The following KMT2C variants were observed in gnomAD, a reference collection of about 807,000 sequenced individuals.
KMT2C encodes lysine methyltransferase 2C, also known as histone-lysine N-methyltransferase 2C.
In KMT2C, 88 loss-of-function variants were observed where a neutral mutation model predicts 507.9. The observed-to-expected ratio is 0.17, with a 90% CI of 0.15 to 0.21. The LOEUF is 0.21. Ranked by LOEUF, KMT2C falls within the 10% of genes least tolerant of loss-of-function variation. The pLI, the probability that KMT2C is intolerant of heterozygous loss-of-function variation, is 1.00. For missense variants in KMT2C, 4,954 were observed against 5,957.8 expected, an observed-to-expected ratio of 0.83 and a Z score of 5.55; for synonymous variants, 2,049 against 2,080.8, an observed-to-expected ratio of 0.98 and a Z score of 0.42.
chr7:152,325,408 A>G (rs1189251394), intron 3 of KMT2C, among the ~76,000 whole-genome samples: 3 of 151,486 alleles, frequency 2.0e-5, no homozygotes, highest in African/African-American at 7.3e-5. Context: ...TTAGCCTCCC[A>G]AAGGGCTGGG....
At chr7:152,427,221 G>T (rs1311173209) in intron 1 of KMT2C, among the ~76,000 whole-genome samples, 2 of 151,990 alleles carry the variant, frequency 1.3e-5, no homozygotes, top group African/African-American at 4.8e-5. Context: ...TCACCATCTT[G>T]GCCAGGCTGG....
At chr7:152,193,975 G>C in intron 31 of KMT2C, 34 bp downstream of exon 31, 1 of 1,494,090 alleles carries the variant, frequency 6.7e-7, no homozygotes, top group Non-Finnish European at 8.9e-7. Flanking sequence ...ACATGTGTGT[G>C]AATATAATGT....
rs771545679 is a variant in KMT2C at position 152,248,506 on chromosome 7, A to T, written c.1928T>A (p.Ile643Asn). ...TTCTGTCACTTCCATTTTATCTTCAATTTGATCTTCGCCACAAATATGCTT... is the reference window on the plus strand; with the variant it reads ...TTCTGTCACTTCCATTTTATCTTCATTTTGATCTTCGCCACAAATATGCTT... ...EVKHICGEDQ[I>N]EDKMEVTENI... The change falls in exon 14 of 59, where the codon ATT becomes AAT. Residue 643 changes from isoleucine to asparagine, a missense_variant. Ile to Asn is a moderately radical substitution (Grantham distance 149). This residue lies in a region of KMT2C where 376 missense variants were observed against 352.4 expected (regional missense o/e 1.07). Transcript: ENST00000262189. 1.9e-6 allele frequency: 3 copies of T among 1,613,976 alleles called. No individual in the cohort carries two copies. Among genetic ancestry groups the T allele is most frequent in the Non-Finnish European group, 2.5e-6 (3 of 1,179,958 alleles).
At chr7:152,346,934 T>A (rs567240709) in intron 2 of KMT2C, among the ~76,000 whole-genome samples, 110 of 152,264 alleles carry the variant, frequency 7.2e-4, no homozygotes, top group African/African-American at 2.5e-3. Flanking sequence ...GAGACCATCC[T>A]GGCTAACACG....
rs1430448173 is a variant in KMT2C, at chr7:152,181,930, T to A, written c.5930A>T (p.Gln1977Leu). 6.2e-7 allele frequency: 1 copy of A among 1,614,174 alleles called. No homozygotes were observed. The highest frequency in any genetic ancestry group is 2.2e-5 in the East Asian group (1 of 44,886). The stretch of plus-strand genomic sequence containing the variant: ...GGATAGGCCCAAGGATTTGGGAAAT[T>A]GATCTGTCATCACAGGCCTAGGTGT... ...PDTPRPVMTDQFPKSLGLSRS... is the reference protein window; with the variant it reads ...PDTPRPVMTDLFPKSLGLSRS... The change falls in exon 36 of 59, where the codon CAA becomes CTA. Residue 1977 changes from glutamine to leucine, a missense_variant. By Grantham distance (113) the Gln-to-Leu change is moderately radical. Around this residue, in one of 29 missense-constraint regions of KMT2C, gnomAD observed 1,689 missense variants for 1,654.3 expected, o/e 1.02. Coordinates refer to ENST00000262189, the MANE Select transcript of KMT2C (RefSeq NM_170606.3).
chr7:152,389,151 G>C (rs189145834), intron 1 of KMT2C, among the ~76,000 whole-genome samples: 1,776 of 152,166 alleles, frequency 0.012, 15 homozygotes, highest in Admixed American at 0.019. Context: ...CAAAGTGCTG[G>C]GATTACAGGC....
In KMT2C at chr7:152,220,403, A is replaced by G. The variant is rs1343990537; in HGVS notation, c.3712+120T>C. Reference sequence around the variant, plus strand: ...TTTGGAAATGGCAAGGGTCAGTCACATCAGGGGTTAACTAAGTCAGTGTGA... The same window carrying G: ...TTTGGAAATGGCAAGGGTCAGTCACGTCAGGGGTTAACTAAGTCAGTGTGA... On this transcript the variant is annotated intron_variant, in intron 23 of 58. Transcript: ENST00000262189. 1.1e-5 allele frequency: 9 copies of G among 792,548 alleles called. No individual in the cohort carries two copies. In the Admixed American group the frequency reaches 2.0e-4, roughly 18 times the overall value. The allele number at this position is 792,548 out of a possible 1,614,324, so 49.1% of individuals were successfully genotyped here. A position where few individuals can be genotyped will look rare whatever the true frequency, so the allele number is the denominator to read the frequency against.
At position 152,138,896 on chromosome 7, in the gene KMT2C, T is replaced by C; in HGVS notation, c.14543A>G (p.Asn4848Ser). 2 of 1,612,590 alleles carry C rather than the reference T, an allele frequency of 1.2e-6. No individual in the cohort carries two copies. The highest frequency in any genetic ancestry group is 1.7e-6 in the Non-Finnish European group (2 of 1,178,570). ...CACACAATTAGGTGCACACGAATGG[T>C]TGATATACCTGCAAGCCACCATGTC... Reference protein sequence around the residue: ...TLTGGPARYINHSCAPNCVAE... With the variant: ...TLTGGPARYISHSCAPNCVAE... Residue 4848 changes from asparagine (N) to serine (S), a missense_variant, in exon 58 of 59, where the codon AAC becomes AGC. By Grantham distance (46) the Asn-to-Ser change is conservative. Coordinates refer to ENST00000262189, the MANE Select transcript of KMT2C (RefSeq NM_170606.3). This position sits in a 1 kb window ranked among gnomAD's most constrained non-coding sequence, Gnocchi z 4.2.
rs980885342 is a variant in KMT2C, at chr7:152,366,909, C to G, written c.162-8234G>C. The G allele has an allele frequency of 3.0e-5, 13 of 434,616 alleles. No homozygotes were observed. The South Asian group carries it at 3.2e-4, about 11-fold the overall frequency. 26.9% of individuals were successfully genotyped at this position (434,616 alleles called of 1,614,324 possible). On this transcript the variant is annotated intron_variant, in intron 1 of 58. Transcript: ENST00000262189. Reference sequence around the variant, plus strand: ...CCAGACGCGGCGCGAGCTGGCGCTGCGAGCCAACGGGCCGGCGCCTGGCGG... The same window carrying G: ...CCAGACGCGGCGCGAGCTGGCGCTGGGAGCCAACGGGCCGGCGCCTGGCGG...
In KMT2C at chr7:152,162,298, G is replaced by A. The variant is rs1563197309; in HGVS notation, c.11279C>T (p.Pro3760Leu). Residue 3760 changes from proline (P) to leucine (L), a missense_variant, in exon 43 of 59, where the codon CCC (proline) becomes CTC (leucine). Pro to Leu is a moderately conservative substitution (Grantham distance 98). This residue lies in a region of KMT2C where 801 missense variants were observed against 751.2 expected (regional missense o/e 1.07). Transcript: ENST00000262189. ...GGCAGCAGGGGCCCCAGCAGAATGG[G>A]GAGGACTCTGTGCTGAGGAGACAGG... ...ACPVSSAQSP[P>L]HSAGAPAAKG... The A allele has an allele frequency of 6.2e-7, 1 of 1,614,192 alleles. No individual in the cohort carries two copies. Among genetic ancestry groups the A allele is most frequent in the Non-Finnish European group, 8.5e-7 (1 of 1,180,032 alleles).
intron 12 of KMT2C, among the ~76,000 whole-genome samples, chr7:152,250,431 C>A (rs2095545858): frequency 6.6e-6 from 1 of 152,036 alleles, no homozygotes; most frequent in Non-Finnish European, 1.5e-5. Flanking sequence ...TAGCTCTTAT[C>A]AATATTTACT....
At chr7:152,200,613 C>A (rs188917514) in intron 26 of KMT2C, among the ~76,000 whole-genome samples, 5 of 152,168 alleles carry the variant, frequency 3.3e-5, no homozygotes, top group Admixed American at 3.3e-4. Flanking sequence ...GCCTGTAATC[C>A]CAGCTACCTG....
intron 18 of KMT2C, among the ~76,000 whole-genome samples, chr7:152,227,254 G>GGTT (rs1296566166): frequency 6.6e-6 from 1 of 152,070 alleles, no homozygotes; most frequent in Non-Finnish European, 1.5e-5. Context: ...TAGGTACTGG[G>GGTT]GTTGTACTAT....
intron 25 of KMT2C, 86 bp from the exon 26 acceptor site, chr7:152,203,150 TAC>T (rs902304274): frequency 7.1e-5 from 72 of 1,020,774 alleles, no homozygotes; most frequent in Non-Finnish European, 9.4e-5. Flanking sequence ...CTTACCAACA[TAC>T]ACACAGTTTC....
At chr7:152,367,323 A>G in intron 1 of KMT2C, 1 of 931,918 alleles carries the variant, frequency 1.1e-6, no homozygotes, top group Non-Finnish European at 1.7e-6. Context: ...CCTGACCTGC[A>G]CCTTCGCAGA....
At chr7:152,259,446 G>GCACACACACACACACACACACACA (rs372982101) in intron 9 of KMT2C, among the ~76,000 whole-genome samples, 25 of 134,786 alleles carry the variant, frequency 1.9e-4, no homozygotes, top group Admixed American at 6.6e-4. Flanking sequence ...ACACACACGC[G>GCACACACACACACACACACACACA]CACACACACA....
chr7:152,290,884 TTATC>T (rs1312551745), intron 6 of KMT2C, among the ~76,000 whole-genome samples: 3 of 152,176 alleles, frequency 2.0e-5, no homozygotes, highest in East Asian at 3.9e-4. Context: ...TTATCCTATA[TTATC>T]TTTTTAAATA....
chr7:152,350,159 A>T (rs2097098255), intron 2 of KMT2C, among the ~76,000 whole-genome samples: 1 of 152,174 alleles, frequency 6.6e-6, no homozygotes, highest in Admixed American at 6.5e-5. Context: ...CTGAGGCAGG[A>T]GAATCGCTTG....
intron 2 of KMT2C, among the ~76,000 whole-genome samples, chr7:152,356,235 G>A (rs2097150074): frequency 6.6e-6 from 1 of 152,174 alleles, no homozygotes; most frequent in African/African-American, 2.4e-5. Flanking sequence ...GAGAAGGGGT[G>A]TTGGAAGTTT....
Sources: allele counts gnomAD v4.1 joint callset (sites outside exome capture counted in the v4.1 genomes callset), GRCh38; gene constraint gnomAD v4.1.1; regional missense constraint gnomAD v4.1.1; non-coding constraint Gnocchi (gnomAD v3.1); transcripts MANE v1.5; gene names NCBI Gene and HGNC (gene_info 2026-07-23, HGNC 2026-07-21).